ERAP1: variants seen among roughly 807,000 people sequenced by gnomAD.
ERAP1 encodes adipocyte-derived leucine aminopeptidase.
Under a neutral mutation model 103.7 loss-of-function variants are expected in ERAP1, and 86 were observed. The observed-to-expected ratio is 0.83, with a 90% CI of 0.70 to 0.99. The LOEUF is 0.99. Ranked by LOEUF, ERAP1 falls within the 50% of genes least tolerant of loss-of-function variation. ERAP1 has a pLI of 0.00. For synonymous variants in ERAP1, 398 were observed against 402.4 expected (o/e 0.99, Z 0.13); for missense variants, 1,009 against 1,128.4 (o/e 0.89, Z 1.52).
intron 8 of ERAP1, among the ~76,000 whole-genome samples, chr5:96,791,313 G>T (rs1776707516): frequency 1.3e-5 from 2 of 152,210 alleles, no homozygotes; most frequent in South Asian, 4.1e-4. Context: ...CCAAGGATAA[G>T]AAGAATGCTC....
upstream of ERAP1, chr5:96,808,262 T>TGTGTGTGTGTGTG (rs1189381131): frequency 4.3e-6 from 3 of 700,904 alleles, no homozygotes; most frequent in East Asian, 2.2e-4. Context: ...GTGTGTGTGT[T>TGTGTGTGTGTGTG]GAGATGCTTT....
At chr5:96,836,792 G>A in the ERAP1 span, among the ~76,000 whole-genome samples, 2 of 152,086 alleles carry the variant, frequency 1.3e-5, no homozygotes. Flanking sequence ...TGAAAAGCAG[G>A]CCTCATTCTT....
At chr5:96,867,899 C>T in the ERAP1 span, among the ~76,000 whole-genome samples, 1 of 152,090 alleles carries the variant, frequency 6.6e-6, no homozygotes, top group South Asian at 2.1e-4. Flanking sequence ...CATGGTGAAA[C>T]ATTGTCTCTA....
intron 18 of ERAP1, chr5:96,779,554 TAGTGTAACCA>T (rs1452756521): frequency 6.6e-6 from 1 of 152,204 alleles, no homozygotes; most frequent in Non-Finnish European, 1.5e-5. Context: ...AGCTAGAAAA[TAGTGTAACCA>T]GACTACACAA....
the ERAP1 span, among the ~76,000 whole-genome samples, chr5:96,914,978 T>C: frequency 1.3e-5 from 2 of 152,062 alleles, no homozygotes; most frequent in Non-Finnish European, 2.9e-5. Context: ...TTTTTTACCA[T>C]ACCTTAACAT....
chr5:96,763,903 A>G (rs1030900239), intron 19 of ERAP1, among the ~76,000 whole-genome samples: 1 of 151,992 alleles, frequency 6.6e-6, no homozygotes, highest in African/African-American at 2.4e-5. Context: ...CCTGGGTTCT[A>G]TTCACTTTTT....
At chr5:96,852,240 G>T in the ERAP1 span, among the ~76,000 whole-genome samples, 2 of 152,156 alleles carry the variant, frequency 1.3e-5, no homozygotes, top group African/African-American at 4.8e-5. Context: ...TGGCAGAAAT[G>T]ACATAGATAA....
chr5:96,856,610 A>G, the ERAP1 span, among the ~76,000 whole-genome samples: 1 of 151,854 alleles, frequency 6.6e-6, no homozygotes, highest in Non-Finnish European at 1.5e-5. Context: ...ACTTATATCA[A>G]TTCTCCTGCT....
chr5:96,878,084 A>C, the ERAP1 span, among the ~76,000 whole-genome samples: 36 of 152,282 alleles, frequency 2.4e-4, no homozygotes, highest in South Asian at 2.5e-3. Flanking sequence ...CCCCAAATTA[A>C]CTATGCTGTT....
At chr5:96,781,282 G>T in intron 16 of ERAP1, 84 bp from the exon 17 acceptor site, 1 of 1,422,190 alleles carries the variant, frequency 7.0e-7, no homozygotes. Context: ...ACTTGTAAAA[G>T]AAAAAAAAGT....
At chr5:96,889,391 TA>T in the ERAP1 span, 1 of 1,439,904 alleles carries the variant, frequency 6.9e-7, no homozygotes, top group Non-Finnish European at 9.8e-7. Context: ...CTATGTGATT[TA>T]AATGAGCACT....
chr5:96,783,505 G>C (rs1306208244), intron 14 of ERAP1, among the ~76,000 whole-genome samples: 1 of 152,160 alleles, frequency 6.6e-6, no homozygotes, highest in Non-Finnish European at 1.5e-5. Context: ...AACTCAAAGA[G>C]AGTTTACATG....
At chr5:96,856,365 T>TAGAGAGAGAGAGAGAGAG in the ERAP1 span, among the ~76,000 whole-genome samples, 8 of 20,386 alleles carry the variant, frequency 3.9e-4, 1 homozygote, top group Admixed American at 1.8e-3. Flanking sequence ...TATATATATA[T>TAGAGAGAGAGAGAGAGAG]AGAGAGAGAG....
intron 3 of ERAP1, among the ~76,000 whole-genome samples, chr5:96,798,581 C>CTTTTT (rs3076631): frequency 1.3e-5 from 2 of 149,320 alleles, no homozygotes; most frequent in Non-Finnish European, 3.0e-5. Context: ...CTGACCTCAT[C>CTTTTT]TTTTTTTTTT....
At chr5:96,846,397 G>A in the ERAP1 span, among the ~76,000 whole-genome samples, 1 of 152,134 alleles carries the variant, frequency 6.6e-6, no homozygotes, top group African/African-American at 2.4e-5. Flanking sequence ...AAATAATCCT[G>A]ATTCCCTAGC....
chr5:96,923,304 C>T, the ERAP1 span, among the ~76,000 whole-genome samples: 8 of 152,146 alleles, frequency 5.3e-5, no homozygotes, highest in Non-Finnish European at 8.8e-5. Flanking sequence ...GGGAAACATA[C>T]TATTTGTTGA....
exon 20 of ERAP1, chr5:96,762,722 T>G (rs1768430120): frequency 3.8e-6 from 1 of 263,732 alleles, no homozygotes; most frequent in Admixed American, 4.8e-5. Flanking sequence ...CTCCTTTATA[T>G]TTTTTCTTAT....
At chr5:96,764,066 T>C (rs190887659) in intron 19 of ERAP1, among the ~76,000 whole-genome samples, 14 of 152,276 alleles carry the variant, frequency 9.2e-5, no homozygotes, top group Admixed American at 8.5e-4. Flanking sequence ...GAAAGTTCTA[T>C]ACAGTATTGG....
intron 11 of ERAP1, 44 bp downstream of exon 11, chr5:96,788,487 A>G: frequency 6.8e-6 from 11 of 1,610,786 alleles, no homozygotes; most frequent in Non-Finnish European, 9.3e-6. Flanking sequence ...TACAAGGCAG[A>G]TGTTACCTAG....
Sources: gnomAD v4.1 joint callset for allele counts (sites outside exome capture counted in the v4.1 genomes callset) on GRCh38, gnomAD v4.1.1 for gene constraint, MANE v1.5 for transcripts, NCBI Gene and HGNC (gene_info 2026-07-23, HGNC 2026-07-21) for gene names.